Variants in DENND1A observed in about 807,000 individuals in gnomAD.
DENND1A encodes DENN domain-containing protein 1A.
Under a neutral mutation model 113.7 loss-of-function variants are expected in DENND1A, and 51 were observed. The ratio of observed to expected loss-of-function variants is 0.45; its 90% confidence interval spans 0.36 to 0.57. The LOEUF (loss-of-function observed/expected upper bound fraction) is 0.57, where lower values mean the gene tolerates loss of function less well. Among genes scored for constraint, DENND1A ranks in the 20% least tolerant of loss-of-function variants. The pLI, the probability that DENND1A is intolerant of heterozygous loss-of-function variation, is 0.00. For missense variants in DENND1A, 1,258 were observed against 1,395.9 expected (o/e 0.90, Z 1.57); for synonymous variants, 565 against 570.8 (o/e 0.99, Z 0.14).
chr9:123,401,417 G>A, intron 21 of DENND1A: 1 of 979,384 alleles, frequency 1.0e-6, no homozygotes, highest in Non-Finnish European at 1.3e-6. Flanking sequence ...CTGGTATTAT[G>A]GGAGAACAAC....
At chr9:123,538,805 CATACAT>C (rs1445200066) in intron 13 of DENND1A, among the ~76,000 whole-genome samples, 1,233 of 50,012 alleles carry the variant, frequency 0.025, 154 homozygotes, top group African/African-American at 0.04. Context: ...GGTGACAACT[CATACAT>C]ATATATATAT....
intron 3 of DENND1A, among the ~76,000 whole-genome samples, chr9:123,785,935 A>C (rs1484882877): frequency 6.6e-6 from 1 of 152,206 alleles, no homozygotes; most frequent in African/African-American, 2.4e-5. Flanking sequence ...ACATCTGGCC[A>C]GGCACTGCGG....
chr9:123,564,980 C>CTTTTTTTTTTTTTTTTTT (rs199613371), intron 12 of DENND1A, among the ~76,000 whole-genome samples: 1 of 75,746 alleles, frequency 1.3e-5, no homozygotes, highest in Non-Finnish European at 2.5e-5. Context: ...TCTGTCCCTT[C>CTTTTTTTTTTTTTTTTTT]TTTTTTTTTT....
intron 2 of DENND1A, among the ~76,000 whole-genome samples, chr9:123,800,784 T>C (rs1210301107): frequency 6.6e-6 from 1 of 152,230 alleles, no homozygotes; most frequent in Non-Finnish European, 1.5e-5. Context: ...ATTTAAAAGA[T>C]GAATTCATAT....
At chr9:123,462,058 C>T (rs1245161679) in intron 13 of DENND1A, 2 of 152,192 alleles carry the variant, frequency 1.3e-5, no homozygotes, top group Non-Finnish European at 2.9e-5. Context: ...GTGAGCAAAT[C>T]CTGTCTGTTC....
chr9:123,562,338 T>A (rs1323185702), intron 12 of DENND1A, among the ~76,000 whole-genome samples: 2 of 152,094 alleles, frequency 1.3e-5, no homozygotes, highest in African/African-American at 2.4e-5. Flanking sequence ...CTTGTGAACA[T>A]CTATTCAGCC....
intron 4 of DENND1A, among the ~76,000 whole-genome samples, chr9:123,767,756 A>C (rs569565928): frequency 6.2e-4 from 95 of 152,274 alleles, no homozygotes; most frequent in African/African-American, 2.2e-3. Flanking sequence ...TAATAGGATT[A>C]CTCTAAAATA....
At chr9:123,884,056 C>T (rs1450340650) in intron 1 of DENND1A, among the ~76,000 whole-genome samples, 1 of 152,090 alleles carries the variant, frequency 6.6e-6, no homozygotes, top group East Asian at 1.9e-4. Context: ...GAAGCCAACG[C>T]AGATAGAAGC....
chr9:123,539,752 G>A (rs1254731016), intron 13 of DENND1A, among the ~76,000 whole-genome samples: 4 of 151,900 alleles, frequency 2.6e-5, no homozygotes, highest in Non-Finnish European at 2.9e-5. Context: ...GCACGGTGGC[G>A]GGCGCCTGTA....
intron 8 of DENND1A, among the ~76,000 whole-genome samples, chr9:123,659,642 T>A (rs1420874254): frequency 1.3e-5 from 2 of 152,088 alleles, no homozygotes; most frequent in African/African-American, 2.4e-5. Flanking sequence ...ACTTCATGAG[T>A]TTCTCACATT....
intron 1 of DENND1A, among the ~76,000 whole-genome samples, chr9:123,900,113 A>G (rs1851369811): frequency 6.6e-6 from 1 of 152,224 alleles, no homozygotes; most frequent in Non-Finnish European, 1.5e-5. Flanking sequence ...AAATATAAAT[A>G]TTTATACTCC....
chr9:123,388,509 C>T (rs900489109), intron 21 of DENND1A, among the ~76,000 whole-genome samples: 5 of 152,282 alleles, frequency 3.3e-5, no homozygotes, highest in South Asian at 2.1e-4. Context: ...AAAAGTGAGC[C>T]GTGCGGAAGA....
rs1303171682 is a variant in DENND1A at position 123,902,033 on chromosome 9, G to A, written c.18-23012C>T. Among the ~76,000 whole-genome samples the A allele has an allele frequency of 2.0e-5, 3 of 151,862 alleles. No individual in the cohort carries two copies. The East Asian group carries it at 5.8e-4, about 29-fold the overall frequency. On this transcript the variant is annotated intron_variant, in intron 1 of 23. Coordinates refer to ENST00000394215, the MANE Select transcript of DENND1A (RefSeq NM_001352964.2). ...AAATAAATAAATAAATAAAAATAAAGGCGATGTCATGTAAAGCAAAAGAAA... is the reference window on the plus strand; with the variant it reads ...AAATAAATAAATAAATAAAAATAAAAGCGATGTCATGTAAAGCAAAAGAAA...
At chr9:123,615,359 C>T (rs572047145) in intron 10 of DENND1A, among the ~76,000 whole-genome samples, 5 of 152,194 alleles carry the variant, frequency 3.3e-5, no homozygotes, top group African/African-American at 7.2e-5. Context: ...GCCCATGATA[C>T]GGGGATCAAG....
chr9:123,696,319 C>T (rs1406831610), intron 5 of DENND1A, among the ~76,000 whole-genome samples: 2 of 152,190 alleles, frequency 1.3e-5, no homozygotes, highest in African/African-American at 2.4e-5. Context: ...TAAATTATTG[C>T]ACTTAGAATT....
intron 9 of DENND1A, among the ~76,000 whole-genome samples, chr9:123,637,933 GCACACACACACA>G (rs1185018176): frequency 1.4e-5 from 1 of 73,980 alleles, no homozygotes; most frequent in Non-Finnish European, 2.6e-5. Flanking sequence ...ACACACACAC[GCACACACACACA>G]CACACGCGCA....
chr9:123,681,716 A>G (rs575577681), intron 5 of DENND1A, among the ~76,000 whole-genome samples: 3 of 152,294 alleles, frequency 2.0e-5, no homozygotes, highest in African/African-American at 7.2e-5. Flanking sequence ...ATAAATAGAA[A>G]TACAAATCTA....
At chr9:123,427,119 T>C (rs1419880739) in intron 19 of DENND1A, among the ~76,000 whole-genome samples, 1 of 152,052 alleles carries the variant, frequency 6.6e-6, no homozygotes, top group African/African-American at 2.4e-5. Context: ...CTTGTTGGGG[T>C]TTAGAACAAA....
intron 13 of DENND1A, among the ~76,000 whole-genome samples, chr9:123,463,640 T>G (rs991093328): frequency 6.6e-6 from 1 of 152,172 alleles, no homozygotes; most frequent in Non-Finnish European, 1.5e-5. Context: ...CCAGGAGTAG[T>G]GGTTCACGCC....
Sources: allele counts gnomAD v4.1 joint callset (sites outside exome capture counted in the v4.1 genomes callset), GRCh38; gene constraint gnomAD v4.1.1; transcripts MANE v1.5; gene names NCBI Gene and HGNC (gene_info 2026-07-23, HGNC 2026-07-21).